STIL: variants seen among roughly 807,000 people sequenced by gnomAD.
STIL encodes the protein STIL centriolar assembly protein, also known as SCL-interrupting locus protein.
Under a neutral mutation model 110.1 loss-of-function variants are expected in STIL, and 55 were observed. The ratio of observed to expected loss-of-function variants is 0.50; its 90% CI spans 0.40 to 0.63. The LOEUF is 0.63. Among genes scored for constraint, STIL ranks in the 20% least tolerant of loss-of-function variants. STIL has a pLI of 0.00. For missense variants in STIL, 1,358 were observed against 1,530.0 expected (o/e 0.89, Z 1.87); for synonymous variants, 481 against 530.0 (o/e 0.91, Z 1.27).
At chr1:47,274,167 G>C (rs1644919778) in intron 12 of STIL, among the ~76,000 whole-genome samples, 1 of 152,130 alleles carries the variant, frequency 6.6e-6, no homozygotes, top group South Asian at 2.1e-4. Context: ...TTTTATAGGT[G>C]AGAAAAGTGA....
At chr1:47,254,383 C>A (rs920368844) in intron 16 of STIL, among the ~76,000 whole-genome samples, 1 of 151,970 alleles carries the variant, frequency 6.6e-6, no homozygotes, top group African/African-American at 2.4e-5. Flanking sequence ...TTCTTTTATT[C>A]ATAGTGACAA....
chr1:47,279,629 T>C (rs1021653286), intron 12 of STIL, among the ~76,000 whole-genome samples: 2 of 149,874 alleles, frequency 1.3e-5, no homozygotes, highest in African/African-American at 2.5e-5. Context: ...CTAGCAGGGC[T>C]GAGGCAGGAA....
intron 14 of STIL, among the ~76,000 whole-genome samples, chr1:47,266,487 T>G (rs1644657461): frequency 6.6e-6 from 1 of 152,154 alleles, no homozygotes; most frequent in East Asian, 1.9e-4. Flanking sequence ...GCCTCCTGAG[T>G]AGGTGGAACT....
intron 3 of STIL, 124 bp from the exon 4 acceptor site, chr1:47,302,470 G>T: frequency 1.2e-6 from 1 of 813,192 alleles, no homozygotes; most frequent in Non-Finnish European, 2.0e-6. Flanking sequence ...TCATTGTCAG[G>T]AAATCCCAGG....
intron 2 of STIL, among the ~76,000 whole-genome samples, chr1:47,307,749 C>T (rs1203274303): frequency 3.3e-5 from 5 of 152,218 alleles, no homozygotes; most frequent in Admixed American, 3.3e-4. Context: ...CAGAACAGAG[C>T]CATATTTCTC....
Position 47,263,744 on chromosome 1 carries a change from G to GTTTTTTTTTTTTTTTT in STIL, c.2616-644_2616-629dup, listed in dbSNP as rs60915271. Among the ~76,000 whole-genome samples, 7 of 98,310 alleles carry GTTTTTTTTTTTTTTTT rather than the reference G, an allele frequency of 7.1e-5. 1 individual carries two copies. The highest frequency in any genetic ancestry group is 1.2e-4 in the Non-Finnish European group (6 of 50,616). 64.5% of individuals were successfully genotyped at this position (98,310 alleles called of 152,430 possible). A position where few individuals can be genotyped will look rare whatever the true frequency, so the allele number is the denominator to read the frequency against. ...TAGGTATGTTATTTGTTCATTCCAA[G>GTTTTTTTTTTTTTTTT]TTTTTTTTTTTTTTTTTTTTTTTTT... On this transcript the variant is annotated intron_variant, in intron 14 of 16. Coordinates refer to ENST00000371877, the MANE Select transcript of STIL (RefSeq NM_001048166.1).
chr1:47,281,234 A>T lies in STIL; in HGVS notation c.1249-25T>A, dbSNP rs758710816. The T allele has an allele frequency of 5.6e-6, 9 of 1,603,614 alleles. No homozygotes were observed. The Admixed American group carries it at 1.0e-4, about 18-fold the overall frequency. On this transcript the variant is annotated intron_variant, in intron 11 of 16. Transcript: ENST00000371877. ...TCTACAAATAAGAAAGAAATAGAAA[A>T]AAAAAGTATTTTTTTGGAGAAACTG...
chr1:47,274,208 G>A lies in STIL; in HGVS notation c.2218-1967C>T, dbSNP rs550061111. ...AGAGAAATCACATAGGAAATGTACA[G>A]TAAAAGACATTACACACACTCAGGT... is the stretch of plus-strand genomic sequence containing the variant. On this transcript the variant is annotated intron_variant, in intron 12 of 16. Transcript: ENST00000371877. 6.6e-5 allele frequency among the ~76,000 whole-genome samples: 10 copies of A among 152,278 alleles called. No homozygotes were observed. In the South Asian group the frequency reaches 1.5e-3, roughly 22 times the overall value.
intron 2 of STIL, among the ~76,000 whole-genome samples, chr1:47,309,260 C>A (rs1318935153): frequency 3.3e-5 from 5 of 152,040 alleles, no homozygotes; most frequent in African/African-American, 9.6e-5. Context: ...ACAGAATACA[C>A]TGAACTTGTT....
intron 15 of STIL, 71 bp downstream of exon 15, chr1:47,262,832 G>A (rs886138951): frequency 6.9e-6 from 10 of 1,448,814 alleles, no homozygotes; most frequent in Non-Finnish European, 9.7e-6. Flanking sequence ...TTAAACCTAG[G>A]AAAAGCTTAA....
Position 47,301,590 on chromosome 1 carries a change from T to C in STIL, c.424A>G (p.Ser142Gly). Reference protein sequence around the residue: ...ELCSREMIVHSVDDFSSALKA... With the variant: ...ELCSREMIVHGVDDFSSALKA... Reference sequence around the variant, plus strand: ...AAAGCTGAACTGAAGTCATCTACACTGTGAACTATCATTTCTCTTGAACAA... The same window carrying C: ...AAAGCTGAACTGAAGTCATCTACACCGTGAACTATCATTTCTCTTGAACAA... The change falls in exon 5 of 17, where the codon AGT (serine) becomes GGT (glycine). Residue 142 changes from serine to glycine, a missense_variant. Transcript: ENST00000371877. 2 of 1,613,930 alleles carry C rather than the reference T, an allele frequency of 1.2e-6. No individual in the cohort carries two copies. The highest frequency in any genetic ancestry group is 8.5e-7 in the Non-Finnish European group (1 of 1,180,008).
Position 47,310,363 on chromosome 1 carries a change from C to A in STIL, c.-43-1G>T, listed in dbSNP as rs1205565644. ...TCTTTAATTCCAAATCCTCAGTATC[C>A]TAAAGAATTAAAGAGAATATTACTA... On this transcript the variant is annotated splice_acceptor_variant, in intron 1 of 16. Transcript: ENST00000371877. LOFTEE classifies it low-confidence loss of function (5UTR_SPLICE). 6.4e-7 allele frequency: 1 copy of A among 1,555,908 alleles called. No homozygotes were observed. The highest frequency in any genetic ancestry group is 2.2e-5 in the East Asian group (1 of 44,458).
chr1:47,291,419 A>C (rs1645486636), intron 8 of STIL, among the ~76,000 whole-genome samples: 1 of 151,830 alleles, frequency 6.6e-6, no homozygotes, highest in Non-Finnish European at 1.5e-5. Context: ...AAATTAAATA[A>C]ATAAATAAAT....
chr1:47,302,183 C>T (rs370824944), intron 4 of STIL, 51 bp downstream of exon 4: 14 of 1,360,300 alleles, frequency 1.0e-5, no homozygotes, highest in South Asian at 4.7e-5. Flanking sequence ...AGCCTCCCAA[C>T]GTGCTGGGAT....
chr1:47,252,903 T>G (rs1644227683), intron 16 of STIL, among the ~76,000 whole-genome samples: 2 of 152,004 alleles, frequency 1.3e-5, no homozygotes, highest in Admixed American at 6.6e-5. Flanking sequence ...TTCCTTAATA[T>G]CACATATATA....
intron 12 of STIL, among the ~76,000 whole-genome samples, chr1:47,278,274 T>C (rs371030531): frequency 1.3e-5 from 2 of 152,168 alleles, no homozygotes; most frequent in African/African-American, 4.8e-5. Flanking sequence ...ATCATTATGA[T>C]AGAAACCCAT....
Position 47,251,364 on chromosome 1 carries a change from A to C in STIL, c.3639T>G (p.Thr1213=), listed in dbSNP as rs757969386. 6.2e-6 allele frequency: 10 copies of C among 1,614,108 alleles called. No individual in the cohort carries two copies. Among genetic ancestry groups the C allele is most frequent in the African/African-American group, 2.7e-5 (2 of 74,936 alleles). The part of the protein sequence containing the change: ...VLQTKAKQQL[T]EKPAFLVKNL... Reference sequence around the variant, plus strand: ...TCTTTACTAAGAAAGCTGGCTTTTCAGTCAACTGCTGTTTTGCTTTTGTCT... The same window carrying C: ...TCTTTACTAAGAAAGCTGGCTTTTCCGTCAACTGCTGTTTTGCTTTTGTCT... Residue 1213 remains threonine (T), a synonymous_variant, in exon 17 of 17, where the codon ACT becomes ACG. Transcript: ENST00000371877.
chr1:47,301,349 A>G (rs1419712022), intron 5 of STIL, among the ~76,000 whole-genome samples: 2 of 152,164 alleles, frequency 1.3e-5, no homozygotes, highest in Non-Finnish European at 2.9e-5. Flanking sequence ...GAACTTTCTT[A>G]TCTCGGTTAC....
At chr1:47,258,245 T>C (rs1644379110) in intron 16 of STIL, among the ~76,000 whole-genome samples, 1 of 152,208 alleles carries the variant, frequency 6.6e-6, no homozygotes, top group Non-Finnish European at 1.5e-5. Flanking sequence ...TCTTTTACAC[T>C]ATTGGTAGGA....
Sources: allele counts gnomAD v4.1 joint callset (sites outside exome capture counted in the v4.1 genomes callset), GRCh38; gene constraint gnomAD v4.1.1; transcripts MANE v1.5; gene names NCBI Gene and HGNC (gene_info 2026-07-23, HGNC 2026-07-21).